The following NCOA1 variants were observed in gnomAD, a reference collection of about 807,000 sequenced individuals.
The protein encoded by NCOA1 is Hin-2 protein.
Under a neutral mutation model 150.9 loss-of-function variants are expected in NCOA1, and 35 were observed. That is an observed-to-expected ratio of 0.23 (90% confidence interval 0.18 to 0.31). NCOA1 has a LOEUF of 0.31. Ranked by LOEUF, NCOA1 falls within the 10% of genes least tolerant of loss-of-function variation. The pLI is 1.00. For missense variants in NCOA1, 1,491 were observed against 1,749.3 expected, an observed-to-expected ratio of 0.85 and a Z score of 2.63; for synonymous variants, 590 against 630.0, an observed-to-expected ratio of 0.94 and a Z score of 0.95.
intron 8 of NCOA1, among the ~76,000 whole-genome samples, chr2:24,688,079 A>G (rs1487806630): frequency 6.6e-6 from 1 of 152,174 alleles, no homozygotes; most frequent in Non-Finnish European, 1.5e-5. Context: ...TGCAGAGGAC[A>G]TGGTCTCATT....
At chr2:24,529,036 G>A (rs1019319289) in intron 1 of NCOA1, among the ~76,000 whole-genome samples, 7 of 152,064 alleles carry the variant, frequency 4.6e-5, no homozygotes, top group Non-Finnish European at 7.4e-5. Flanking sequence ...ACAGGCGCCC[G>A]CCACCACGCC....
chr2:24,623,970 C>A (rs1255868458), intron 3 of NCOA1, among the ~76,000 whole-genome samples: 1 of 152,112 alleles, frequency 6.6e-6, no homozygotes. Flanking sequence ...AACAGAGCCC[C>A]TAAGACCTTT....
intron 11 of NCOA1, among the ~76,000 whole-genome samples, chr2:24,704,450 A>G (rs991577250): frequency 1.4e-4 from 22 of 152,156 alleles, no homozygotes; most frequent in African/African-American, 5.3e-4. Context: ...AATGGAGACA[A>G]TAAATTTGAA....
At chr2:24,530,813 A>G (rs1426516906) in intron 1 of NCOA1, among the ~76,000 whole-genome samples, 1 of 152,204 alleles carries the variant, frequency 6.6e-6, no homozygotes, top group Admixed American at 6.5e-5. Flanking sequence ...ATGAAAATAT[A>G]TTTATGAATA....
At chr2:24,576,383 A>C (rs1367744528) in intron 2 of NCOA1, among the ~76,000 whole-genome samples, 1 of 150,800 alleles carries the variant, frequency 6.6e-6, no homozygotes, top group Non-Finnish European at 1.5e-5. Context: ...TGTGACCTCA[A>C]CTCTTTGAGA....
At chr2:24,639,687 G>C (rs1194170823) in intron 3 of NCOA1, among the ~76,000 whole-genome samples, 1 of 151,482 alleles carries the variant, frequency 6.6e-6, no homozygotes, top group Non-Finnish European at 1.5e-5. Context: ...AGGAGTTCAA[G>C]ACCAGCCTGA....
intron 14 of NCOA1, among the ~76,000 whole-genome samples, chr2:24,716,449 AAAG>A (rs1674049963): frequency 6.6e-6 from 1 of 152,162 alleles, no homozygotes; most frequent in Non-Finnish European, 1.5e-5. Flanking sequence ...GTAATTAAAC[AAAG>A]AATAGTCATT....
chr2:24,654,557 T>C (rs1398436987), intron 4 of NCOA1, among the ~76,000 whole-genome samples: 1 of 152,216 alleles, frequency 6.6e-6, no homozygotes, highest in Non-Finnish European at 1.5e-5. Flanking sequence ...GACATTCAGA[T>C]ACCGGATTAC....
At chr2:24,585,458 A>G (rs1667362443) in intron 3 of NCOA1, among the ~76,000 whole-genome samples, 2 of 151,944 alleles carry the variant, frequency 1.3e-5, no homozygotes, top group Admixed American at 1.3e-4. Flanking sequence ...AAATTTCCAA[A>G]TGCTTCATAC....
chr2:24,524,491 C>T (rs1664568912), intron 1 of NCOA1, among the ~76,000 whole-genome samples: 2 of 151,762 alleles, frequency 1.3e-5, no homozygotes, highest in Non-Finnish European at 2.9e-5. Flanking sequence ...GATGGTGTCC[C>T]ACTCTGTTGC....
chr2:24,621,289 CTTA>C (rs766012817), intron 3 of NCOA1, among the ~76,000 whole-genome samples: 3 of 151,974 alleles, frequency 2.0e-5, no homozygotes, highest in Non-Finnish European at 2.9e-5. Flanking sequence ...CCTTTGTCCC[CTTA>C]TTATATATCT....
chr2:24,711,991 T>C (rs1673769753), intron 14 of NCOA1, among the ~76,000 whole-genome samples: 1 of 152,218 alleles, frequency 6.6e-6, no homozygotes, highest in African/African-American at 2.4e-5. Context: ...CTTTTAACTG[T>C]CATGACCCAA....
intron 20 of NCOA1, among the ~76,000 whole-genome samples, chr2:24,755,032 G>A (rs1664428057): frequency 6.6e-6 from 1 of 152,190 alleles, no homozygotes; most frequent in African/African-American, 2.4e-5. Flanking sequence ...CATAAGCCTT[G>A]TGTATTAGCG....
chr2:24,728,620 GTT>G, intron 16 of NCOA1, 144 bp downstream of exon 16: 1 of 539,372 alleles, frequency 1.9e-6, no homozygotes, highest in Non-Finnish European at 2.9e-6. Context: ...AAATATATGA[GTT>G]TTTTTTTTAA....
At chr2:24,570,900 A>G (rs898133345) in intron 2 of NCOA1, among the ~76,000 whole-genome samples, 3 of 152,246 alleles carry the variant, frequency 2.0e-5, no homozygotes, top group Non-Finnish European at 4.4e-5. Flanking sequence ...GAAACCGTAG[A>G]TTAACAGCAG....
chr2:24,536,004 T>C (rs1308566178), intron 1 of NCOA1, among the ~76,000 whole-genome samples: 1 of 152,222 alleles, frequency 6.6e-6, no homozygotes, highest in Non-Finnish European at 1.5e-5. Flanking sequence ...CCTGCCTTGC[T>C]AGGTTGGGGA....
intron 5 of NCOA1, among the ~76,000 whole-genome samples, chr2:24,663,680 C>T (rs1671285626): frequency 1.3e-5 from 2 of 152,246 alleles, no homozygotes; most frequent in South Asian, 4.1e-4. Flanking sequence ...TTGCCATCTC[C>T]AGTTTTGACT....
intron 1 of NCOA1, among the ~76,000 whole-genome samples, chr2:24,542,950 A>G (rs1665461267): frequency 6.6e-6 from 1 of 152,248 alleles, no homozygotes; most frequent in Non-Finnish European, 1.5e-5. Flanking sequence ...AATAACAAAA[A>G]TGGAAACTCA....
chr2:24,613,845 TG>T (rs1668747713), intron 3 of NCOA1, among the ~76,000 whole-genome samples: 1 of 152,208 alleles, frequency 6.6e-6, no homozygotes, highest in South Asian at 2.1e-4. Flanking sequence ...GAGATCTGCC[TG>T]GGTGTGAAGC....
Sources: gnomAD v4.1 joint callset for allele counts (sites outside exome capture counted in the v4.1 genomes callset) on GRCh38, gnomAD v4.1.1 for gene constraint, MANE v1.5 for transcripts, NCBI Gene and HGNC (gene_info 2026-07-23, HGNC 2026-07-21) for gene names.